The following NAA25 variants were observed in gnomAD, a reference collection of about 807,000 sequenced individuals.
NAA25 encodes N-terminal acetyltransferase B complex subunit NAA25.
In NAA25, 30 loss-of-function variants were observed where a neutral mutation model predicts 132.5. The ratio of observed to expected loss-of-function variants is 0.23; its 90% CI spans 0.17 to 0.31. NAA25 has a LOEUF of 0.31. NAA25 is among the 10% of genes least tolerant of loss of function. NAA25 has a pLI of 1.00. For synonymous variants in NAA25, 359 were observed against 401.9 expected (o/e 0.89, Z 1.28); for missense variants, 771 against 1,150.4 (o/e 0.67, Z 4.77).
chr12:112,054,931 C>T (rs2078522355), intron 13 of NAA25, among the ~76,000 whole-genome samples: 1 of 152,110 alleles, frequency 6.6e-6, no homozygotes, highest in Admixed American at 6.6e-5. Context: ...CTATAAAACC[C>T]CAGACAGATG....
intron 8 of NAA25, 120 bp downstream of exon 8, chr12:112,075,558 A>C: frequency 1.4e-6 from 1 of 729,034 alleles, no homozygotes; most frequent in East Asian, 2.7e-5. Context: ...CATGCAGGAC[A>C]CAACTACTAT....
chr12:112,086,083 C>T (rs1448029349), intron 4 of NAA25, among the ~76,000 whole-genome samples: 7 of 112,826 alleles, frequency 6.2e-5, no homozygotes, highest in South Asian at 6.3e-4. Context: ...TACACACACA[C>T]ACACACACAC....
chr12:112,086,073 T>TATATATATATATATATATATAC (rs759148501), intron 4 of NAA25, among the ~76,000 whole-genome samples: 3 of 53,984 alleles, frequency 5.6e-5, no homozygotes, highest in African/African-American at 2.4e-4. Flanking sequence ...TATATATATA[T>TATATATATATATATATATATAC]ACACACACAC....
intron 2 of NAA25, among the ~76,000 whole-genome samples, chr12:112,092,291 G>A (rs2079143869): frequency 1.3e-5 from 2 of 151,354 alleles, no homozygotes. Context: ...GCATGTAAGT[G>A]ACTATGGAAA....
rs1354693378 is a variant in NAA25 at position 112,071,776 on chromosome 12, G to C, written c.1036+119C>G. The C allele has an allele frequency of 7.5e-6, 5 of 667,008 alleles. No homozygotes were observed. The Admixed American group carries it at 1.8e-4, about 24-fold the overall frequency. The allele number at this position is 667,008 out of a possible 1,614,324, so 41.3% of individuals were successfully genotyped here. ...ATCCATTCATTAGCAAATATTTTCA[G>C]GCTATGAAGACATCTGCTTCCCAAA... On this transcript the variant is annotated intron_variant, in intron 10 of 23. Coordinates refer to ENST00000261745, the MANE Select transcript of NAA25 (RefSeq NM_024953.4).
rs1403179146 is a variant in NAA25 at position 112,027,759 on chromosome 12, C to G, written c.*1772G>C. 6.6e-6 allele frequency: 1 copy of G among 152,188 alleles called. No homozygotes were observed. The highest frequency in any genetic ancestry group is 1.5e-5 in the Non-Finnish European group (1 of 68,022). 9.4% of individuals were successfully genotyped at this position (152,188 alleles called of 1,614,324 possible). A position where few individuals can be genotyped will look rare whatever the true frequency, so the allele number is the denominator to read the frequency against. Reference sequence around the variant, plus strand: ...CACACGCCATACACATGTACCCCACCCTCCCCAGCAGACACACACAAAGTT... The same window carrying G: ...CACACGCCATACACATGTACCCCACGCTCCCCAGCAGACACACACAAAGTT... On this transcript the variant is annotated 3_prime_UTR_variant, in exon 24 of 24. Coordinates refer to ENST00000261745, the MANE Select transcript of NAA25 (RefSeq NM_024953.4).
intron 1 of NAA25, among the ~76,000 whole-genome samples, chr12:112,098,201 T>C (rs889692057): frequency 6.6e-6 from 1 of 150,856 alleles, no homozygotes; most frequent in African/African-American, 2.4e-5. Context: ...AAAAAGAAGC[T>C]TCAGGTCCTG....
intron 11 of NAA25, among the ~76,000 whole-genome samples, chr12:112,062,094 G>A (rs1354898603): frequency 6.6e-6 from 1 of 152,056 alleles, no homozygotes; most frequent in African/African-American, 2.4e-5. Context: ...TAAGATGCCA[G>A]TAAGGAATAA....
At chr12:112,074,341 C>CAAAAAAAAAAAAA in intron 9 of NAA25, among the ~76,000 whole-genome samples, 1 of 34,904 alleles carries the variant, frequency 2.9e-5, no homozygotes, top group Admixed American at 3.1e-4. Flanking sequence ...AACTCCATCT[C>CAAAAAAAAAAAAA]AAAAAAAAAA....
chr12:112,078,175 G>T lies in NAA25; in HGVS notation c.664+13C>A. ...GAAAAAAAAAAAGCTTTAAGAAAATGTTTAAAAATTACCTCCTAATTTCCC... is the reference window on the plus strand; with the variant it reads ...GAAAAAAAAAAAGCTTTAAGAAAATTTTTAAAAATTACCTCCTAATTTCCC... On this transcript the variant is annotated intron_variant, in intron 7 of 23. Transcript: ENST00000261745. 5 of 1,527,126 alleles carry T rather than the reference G, an allele frequency of 3.3e-6. No homozygotes were observed. The highest frequency in any genetic ancestry group is 1.2e-5 in the South Asian group (1 of 82,600). 94.6% of individuals were successfully genotyped at this position (1,527,126 alleles called of 1,614,324 possible).
chr12:112,075,842 AC>A, intron 7 of NAA25, 53 bp from the exon 8 acceptor site: 2 of 1,407,484 alleles, frequency 1.4e-6, no homozygotes, highest in Non-Finnish European at 2.0e-6. Flanking sequence ...CTGCTCAATA[AC>A]CAGAATAGAG....
Position 112,108,774 on chromosome 12 carries a change from G to A in NAA25, c.-1C>T, listed in dbSNP as rs1248361516. Reference sequence around the variant, plus strand: ...CCTGCACATGGCCCCGCGTCGCCATGATGACAAGCGCAGAACCACAGTGCG... The same window carrying A: ...CCTGCACATGGCCCCGCGTCGCCATAATGACAAGCGCAGAACCACAGTGCG... On this transcript the variant is annotated 5_prime_UTR_variant, in exon 1 of 24. Coordinates refer to ENST00000261745, the MANE Select transcript of NAA25 (RefSeq NM_024953.4). 6.6e-7 allele frequency: 1 copy of A among 1,519,688 alleles called. No individual in the cohort carries two copies. Among genetic ancestry groups the A allele is most frequent in the East Asian group, 2.7e-5 (1 of 37,586 alleles). 94.1% of individuals were successfully genotyped at this position (1,519,688 alleles called of 1,614,324 possible).
chr12:112,033,038 G>GC (rs1414169735), intron 23 of NAA25, among the ~76,000 whole-genome samples, 195 bp downstream of exon 23: 1 of 152,188 alleles, frequency 6.6e-6, no homozygotes, highest in Non-Finnish European at 1.5e-5. Flanking sequence ...GACGTATGGG[G>GC]AGAAATGAAG....
intron 20 of NAA25, among the ~76,000 whole-genome samples, chr12:112,041,521 T>C (rs1315808669): frequency 6.6e-6 from 1 of 152,166 alleles, no homozygotes; most frequent in African/African-American, 2.4e-5. Flanking sequence ...GATGCATATA[T>C]GTGCCCTTTA....
At chr12:112,037,599 T>TA (rs2078242426) in intron 22 of NAA25, 1 of 139,524 alleles carries the variant, frequency 7.2e-6, no homozygotes, top group Non-Finnish European at 1.6e-5. Flanking sequence ...ATCTGGTAGA[T>TA]ATGTCCTTAA....
At chr12:112,057,267 C>A (rs1305697914) in intron 13 of NAA25, among the ~76,000 whole-genome samples, 2 of 152,122 alleles carry the variant, frequency 1.3e-5, no homozygotes, top group African/African-American at 4.8e-5. Flanking sequence ...AGTACTTTCA[C>A]ATGCCTAATA....
chr12:112,081,208 A>G (rs2078969761), intron 4 of NAA25, 74 bp from the exon 5 acceptor site: 4 of 1,280,572 alleles, frequency 3.1e-6, no homozygotes, highest in South Asian at 1.3e-5. Context: ...ATACACGACA[A>G]AAAGTTTCTT....
At chr12:112,050,900 G>A (rs978330201) in intron 15 of NAA25, among the ~76,000 whole-genome samples, 1 of 151,998 alleles carries the variant, frequency 6.6e-6, no homozygotes, top group Admixed American at 6.6e-5. Context: ...ACATTACTAA[G>A]CAAAACACTA....
At chr12:112,032,137 T>C (rs554995960) in intron 23 of NAA25, among the ~76,000 whole-genome samples, 3 of 151,926 alleles carry the variant, frequency 2.0e-5, no homozygotes, top group African/African-American at 7.2e-5. Context: ...CTAATTTTTT[T>C]GTATTTTTTT....
Sources: gnomAD v4.1 joint callset for allele counts (sites outside exome capture counted in the v4.1 genomes callset) on GRCh38, gnomAD v4.1.1 for gene constraint, MANE v1.5 for transcripts, NCBI Gene and HGNC (gene_info 2026-07-23, HGNC 2026-07-21) for gene names.